Variants in KNTC1 observed in about 807,000 individuals in gnomAD.
KNTC1 encodes kinetochore associated 1, also known as kinetochore-associated protein 1.
Under a neutral mutation model 314.4 loss-of-function variants are expected in KNTC1, and 253 were observed. The ratio of observed to expected loss-of-function variants is 0.80; its 90% confidence interval spans 0.73 to 0.89. KNTC1 has a LOEUF of 0.89. Among genes scored for constraint, KNTC1 ranks in the 40% least tolerant of loss-of-function variants. The pLI, the probability that KNTC1 is intolerant of heterozygous loss-of-function variation, is 0.00. For missense variants in KNTC1, 2,475 were observed against 2,572.9 expected (o/e 0.96, Z 0.82); for synonymous variants, 901 against 901.4 (o/e 1.00, Z 0.01).
chr12:122,559,974 A>G (rs566539031), intron 18 of KNTC1, among the ~76,000 whole-genome samples: 2 of 151,710 alleles, frequency 1.3e-5, no homozygotes, highest in Non-Finnish European at 2.9e-5. Flanking sequence ...TGAAACTGAA[A>G]CTCTGCCCAT....
At position 122,590,736 on chromosome 12, in the gene KNTC1, G is replaced by A. The variant is rs1416029231; in HGVS notation, c.4128+1G>A. 1.2e-6 allele frequency: 2 copies of A among 1,612,578 alleles called. No homozygotes were observed. Among genetic ancestry groups the A allele is most frequent in the Non-Finnish European group, 1.7e-6 (2 of 1,179,182 alleles). ...ATGGCAGAATTACGACAAAATCTTG[G>A]TATGTCCTAAGGAAGCACACCTTCA... On this transcript the variant is annotated splice_donor_variant, in intron 41 of 63. Coordinates refer to ENST00000333479, the MANE Select transcript of KNTC1 (RefSeq NM_014708.6). LOFTEE classifies it high-confidence loss of function.
Position 122,561,964 on chromosome 12 carries a change from G to A in KNTC1, c.1532G>A (p.Gly511Asp), listed in dbSNP as rs762105934. 1.9e-6 allele frequency: 3 copies of A among 1,595,844 alleles called. No homozygotes were observed. Among genetic ancestry groups the A allele is most frequent in the Non-Finnish European group, 2.6e-6 (3 of 1,167,180 alleles). Residue 511 changes from glycine (G) to aspartate (D), a missense_variant, in exon 19 of 64, where the codon GGC becomes GAC. Gly to Asp is a moderately conservative substitution (Grantham distance 94). Transcript: ENST00000333479. ...EDKTALIYSD[G>D]LKEVLRAHAK... ...AAAACTGCTCTCATTTATTCTGATG[G>A]CTTGAAAGAGGTAATTACACTAGAT...
intron 48 of KNTC1, among the ~76,000 whole-genome samples, chr12:122,603,499 T>G (rs1872215806): frequency 6.6e-6 from 1 of 151,746 alleles, no homozygotes; most frequent in South Asian, 2.1e-4. Context: ...AATCACACTT[T>G]CTTTTTTTTT....
intron 3 of KNTC1, among the ~76,000 whole-genome samples, chr12:122,536,277 G>T (rs564326442): frequency 6.7e-6 from 1 of 149,752 alleles, no homozygotes; most frequent in Non-Finnish European, 1.5e-5. Flanking sequence ...GCCTAGGCCG[G>T]AGTGTGGTGG....
In KNTC1 at chr12:122,551,513, C is replaced by T; in HGVS notation, c.1186C>T (p.Pro396Ser). The T allele has an allele frequency of 1.2e-6, 2 of 1,603,576 alleles. No individual in the cohort carries two copies. Among genetic ancestry groups the T allele is most frequent in the Non-Finnish European group, 1.7e-6 (2 of 1,174,060 alleles). ...ACTCAGATGTCTTACGGAAGCTTTACCAGAAAACAGGTAACTTCTCATTTT... is the reference window on the plus strand; with the variant it reads ...ACTCAGATGTCTTACGGAAGCTTTATCAGAAAACAGGTAACTTCTCATTTT... ...LVLRCLTEAL[P>S]ENRLSRLLHK... is the part of the protein sequence containing the mutation. The change falls in exon 15 of 64, where the codon CCA (proline) becomes TCA (serine). Residue 396 changes from proline to serine, a missense_variant. Coordinates refer to ENST00000333479, the MANE Select transcript of KNTC1 (RefSeq NM_014708.6).
In KNTC1 at chr12:122,543,654, T is replaced by C. The variant is rs1281186830; in HGVS notation, c.558+20T>C. On this transcript the variant is annotated intron_variant, in intron 7 of 63. Coordinates refer to ENST00000333479, the MANE Select transcript of KNTC1 (RefSeq NM_014708.6). ...AAAAAGGTAAGAAAATAAATCCATA[T>C]TGTCCTCTTAAAAAAATTACATTTA... The C allele has an allele frequency of 4.1e-6, 6 of 1,470,736 alleles. No homozygotes were observed. The highest frequency in any genetic ancestry group is 1.8e-4 in the Middle Eastern group (1 of 5,498). 91.1% of individuals were successfully genotyped at this position (1,470,736 alleles called of 1,614,324 possible).
chr12:122,576,216 C>T (rs983854767), intron 29 of KNTC1, among the ~76,000 whole-genome samples: 4 of 148,948 alleles, frequency 2.7e-5, no homozygotes, highest in East Asian at 2.2e-4. Context: ...TGCACTACCA[C>T]GCTTGGCTAA....
chr12:122,613,530 A>G (rs1429114174), intron 54 of KNTC1, 96 bp from the exon 55 acceptor site: 7 of 1,210,554 alleles, frequency 5.8e-6, no homozygotes, highest in Non-Finnish European at 6.7e-6. Context: ...ATGGACATTT[A>G]AAACAAACTG....
At chr12:122,541,925 A>G in intron 5 of KNTC1, 125 bp from the exon 6 acceptor site, 1 of 815,012 alleles carries the variant, frequency 1.2e-6, no homozygotes, top group Non-Finnish European at 1.8e-6. Flanking sequence ...AGGCTGAGGC[A>G]GGAGAATTGC....
chr12:122,533,503 T>G (rs891837213), intron 2 of KNTC1, among the ~76,000 whole-genome samples: 7 of 152,096 alleles, frequency 4.6e-5, no homozygotes, highest in Non-Finnish European at 8.8e-5. Context: ...TAGACCAGCC[T>G]GGCCAACACA....
At chr12:122,559,224 C>T (rs1424829684) in intron 18 of KNTC1, among the ~76,000 whole-genome samples, 2 of 152,008 alleles carry the variant, frequency 1.3e-5, no homozygotes, top group East Asian at 3.9e-4. Flanking sequence ...GGCATGGTGG[C>T]ACGCACCTGT....
At chr12:122,615,410 C>A in intron 56 of KNTC1, 60 bp from the exon 57 acceptor site, 1 of 1,348,564 alleles carries the variant, frequency 7.4e-7, no homozygotes, top group Non-Finnish European at 1.0e-6. Context: ...TCTGGTATTT[C>A]ACATTGAAAT....
At chr12:122,567,556 A>G (rs1964426762) in intron 20 of KNTC1, among the ~76,000 whole-genome samples, 1 of 152,090 alleles carries the variant, frequency 6.6e-6, no homozygotes, top group Admixed American at 6.6e-5. Flanking sequence ...TTTAAAAAAT[A>G]GGCTGGGCAC....
At chr12:122,586,059 TC>T (rs2138012018) in intron 37 of KNTC1, among the ~76,000 whole-genome samples, 1 of 127,320 alleles carries the variant, frequency 7.9e-6, no homozygotes, top group African/African-American at 3.2e-5. Context: ...ATGTTTTGTT[TC>T]TTTTTTGTGT....
In KNTC1 at chr12:122,613,228, GAAGT is replaced by G; in HGVS notation, c.5741+4_5741+7del. 2.6e-6 allele frequency: 4 copies of G among 1,531,742 alleles called. No individual in the cohort carries two copies. Among genetic ancestry groups the G allele is most frequent in the Non-Finnish European group, 3.6e-6 (4 of 1,107,556 alleles). 94.9% of individuals were successfully genotyped at this position (1,531,742 alleles called of 1,614,324 possible). A position where few individuals can be genotyped will look rare whatever the true frequency, so the allele number is the denominator to read the frequency against. ...TCTTTAAAAAACCCATTGAAGAAGT[GAAGT>G]AAGTAGAAATGTTTAAATTGTATTA... On this transcript the variant is annotated splice_donor_variant and coding_sequence_variant, in exon 54 of 64. Transcript: ENST00000333479. LOFTEE classifies it high-confidence loss of function.
At chr12:122,538,510 A>G in intron 4 of KNTC1, 56 bp downstream of exon 4, 1 of 962,830 alleles carries the variant, frequency 1.0e-6, no homozygotes, top group Non-Finnish European at 1.5e-6. Flanking sequence ...AATCTCTTAG[A>G]CAACTAAAAC....
chr12:122,602,525 A>T (rs759145910), intron 45 of KNTC1, 44 bp from the exon 46 acceptor site: 15 of 1,204,282 alleles, frequency 1.2e-5, no homozygotes, highest in Non-Finnish European at 2.4e-6. Flanking sequence ...ACAGTTTAGG[A>T]TTGGGTTACT....
chr12:122,558,561 G>T (rs900397912), intron 18 of KNTC1, among the ~76,000 whole-genome samples: 2 of 151,656 alleles, frequency 1.3e-5, no homozygotes, highest in Non-Finnish European at 2.9e-5. Flanking sequence ...AAAAGAAAAA[G>T]AAAAAATATT....
At chr12:122,554,161 C>T (rs1424765619) in intron 16 of KNTC1, among the ~76,000 whole-genome samples, 1 of 147,788 alleles carries the variant, frequency 6.8e-6, no homozygotes, top group East Asian at 2.0e-4. Context: ...GAACTCGTGA[C>T]CGCAAGTAAT....
Sources: gnomAD v4.1 joint callset for allele counts (sites outside exome capture counted in the v4.1 genomes callset) on GRCh38, gnomAD v4.1.1 for gene constraint, MANE v1.5 for transcripts, NCBI Gene and HGNC (gene_info 2026-07-23, HGNC 2026-07-21) for gene names.